The following SLC5A12 variants were observed in gnomAD, a reference collection of about 807,000 sequenced individuals.
SLC5A12 encodes the protein sodium-coupled monocarboxylate transporter 2.
SLC5A12 carries 46 observed loss-of-function variants against 72.7 expected under a neutral mutation model. The observed-to-expected ratio is 0.63, with a 90% CI of 0.50 to 0.81. The LOEUF is 0.81. SLC5A12 is among the 30% of genes least tolerant of loss of function. The probability of loss-of-function intolerance (pLI) is 0.00; values close to 1 mark genes in which losing one functional copy is unlikely to be tolerated. For missense variants in SLC5A12, 683 were observed against 740.7 expected, an observed-to-expected ratio of 0.92 and a Z score of 0.90; for synonymous variants, 275 against 264.4, an observed-to-expected ratio of 1.04 and a Z score of -0.39.
intron 1 of SLC5A12, among the ~76,000 whole-genome samples, chr11:26,713,234 C>T (rs892588631): frequency 6.6e-6 from 1 of 152,110 alleles, no homozygotes; most frequent in African/African-American, 2.4e-5. Context: ...AAACAAAGTG[C>T]AGATCCCAAG....
intron 1 of SLC5A12, among the ~76,000 whole-genome samples, chr11:26,720,352 A>AATAAATAAATAC (rs66687357): frequency 2.0e-5 from 3 of 151,630 alleles, no homozygotes; most frequent in Non-Finnish European, 2.9e-5. Flanking sequence ...TAAATAAATA[A>AATAAATAAATAC]GTAAATAAAT....
chr11:26,686,555 G>T lies in SLC5A12; in HGVS notation c.1154-11C>A. ...CGCCAAATAAGAGACCTGAAAGAAA[G>T]AAAAATTACAATCATAATTTCCTGA... On this transcript the variant is annotated splice_polypyrimidine_tract_variant and intron_variant, in intron 9 of 14. Transcript: ENST00000396005. 6.2e-7 allele frequency: 1 copy of T among 1,613,122 alleles called. No homozygotes were observed. The highest frequency in any genetic ancestry group is 1.3e-5 in the African/African-American group (1 of 75,010).
intron 10 of SLC5A12, 57 bp from the exon 11 acceptor site, chr11:26,683,900 T>C (rs1854466791): frequency 7.3e-7 from 1 of 1,374,458 alleles, no homozygotes; most frequent in African/African-American, 1.4e-5. Flanking sequence ...TGTGACTTCC[T>C]GGCATCATAC....
Position 26,717,663 on chromosome 11 carries a change from A to T in SLC5A12, c.339+3713T>A, listed in dbSNP as rs113275772. Among the ~76,000 whole-genome samples, 218 of 152,196 alleles carry T rather than the reference A, an allele frequency of 1.4e-3. 2 individuals are homozygous for T. The highest frequency in any genetic ancestry group is 4.9e-3 in the African/African-American group (205 of 41,518). On this transcript the variant is annotated intron_variant, in intron 1 of 14. Coordinates refer to ENST00000396005, the MANE Select transcript of SLC5A12 (RefSeq NM_178498.4). Reference sequence around the variant, plus strand: ...ATTGCTATATAACACTCGCCTCCAAACTCATTGGCTCAAAAACCAAAAATT... The same window carrying T: ...ATTGCTATATAACACTCGCCTCCAATCTCATTGGCTCAAAAACCAAAAATT...
At chr11:26,716,976 T>C (rs1855365218) in intron 1 of SLC5A12, among the ~76,000 whole-genome samples, 1 of 152,140 alleles carries the variant, frequency 6.6e-6, no homozygotes, top group Non-Finnish European at 1.5e-5. Flanking sequence ...CTAATCCCTA[T>C]GATGACCTAA....
At chr11:26,680,560 G>A (rs1320898414) in intron 12 of SLC5A12, among the ~76,000 whole-genome samples, 2 of 151,412 alleles carry the variant, frequency 1.3e-5, no homozygotes, top group African/African-American at 4.9e-5. Context: ...CTACACCATA[G>A]TATCTGATGT....
intron 1 of SLC5A12, among the ~76,000 whole-genome samples, chr11:26,719,108 G>A (rs905096712): frequency 7.9e-5 from 12 of 152,192 alleles, no homozygotes; most frequent in African/African-American, 2.9e-4. Context: ...ACCAGTTATG[G>A]CTAAGCATGT....
chr11:26,672,724 C>G (rs1854172026), intron 14 of SLC5A12, among the ~76,000 whole-genome samples: 1 of 152,116 alleles, frequency 6.6e-6, no homozygotes, highest in African/African-American at 2.4e-5. Context: ...TTCTGGTGGT[C>G]TTTGGCTGAT....
At chr11:26,714,621 C>A (rs1269462558) in intron 1 of SLC5A12, among the ~76,000 whole-genome samples, 1 of 152,092 alleles carries the variant, frequency 6.6e-6, no homozygotes, top group Non-Finnish European at 1.5e-5. Context: ...GATTAAATTT[C>A]TTGCTAGTAG....
intron 9 of SLC5A12, among the ~76,000 whole-genome samples, chr11:26,688,356 G>T (rs532028239): frequency 3.9e-5 from 6 of 152,276 alleles, no homozygotes; most frequent in African/African-American, 1.4e-4. Context: ...GAGTATCCAT[G>T]AATATCTGCC....
At chr11:26,692,253 G>T in intron 9 of SLC5A12, 1 of 417,202 alleles carries the variant, frequency 2.4e-6, no homozygotes, top group Non-Finnish European at 4.4e-6. Flanking sequence ...CTAGAGTGTA[G>T]GGTAAGTATA....
intron 8 of SLC5A12, among the ~76,000 whole-genome samples, chr11:26,694,810 C>T (rs1014498638): frequency 4.6e-5 from 7 of 152,202 alleles, no homozygotes; most frequent in Admixed American, 1.3e-4. Flanking sequence ...AGCATAAATA[C>T]ATGCATTTTA....
rs555546171 is a variant in SLC5A12, at chr11:26,704,873, A to C, written c.526-926T>G. ...TATTTTGGGAAACTGAGATGGTAGA[A>C]TATCAAACAAAGAACTAGGAAGGAA... On this transcript the variant is annotated intron_variant, in intron 4 of 14. Transcript: ENST00000396005. Among the ~76,000 whole-genome samples, 13 of 152,126 alleles carry C rather than the reference A, an allele frequency of 8.5e-5. No homozygotes were observed. In the South Asian group the frequency reaches 2.5e-3, roughly 29 times the overall value.
At chr11:26,679,064 C>T (rs542429583) in intron 12 of SLC5A12, among the ~76,000 whole-genome samples, 1 of 152,162 alleles carries the variant, frequency 6.6e-6, no homozygotes, top group Admixed American at 6.6e-5. Context: ...TGTCTTAATA[C>T]AAATAATACA....
At chr11:26,686,456 G>T (rs766013086) in intron 10 of SLC5A12, 21 bp downstream of exon 10, 1 of 1,612,468 alleles carries the variant, frequency 6.2e-7, no homozygotes, top group South Asian at 1.1e-5. Context: ...AACCAAATGT[G>T]TCTTTTCCTT....
chr11:26,714,179 G>A (rs773371146), intron 1 of SLC5A12, among the ~76,000 whole-genome samples: 1 of 151,468 alleles, frequency 6.6e-6, no homozygotes, highest in Non-Finnish European at 1.5e-5. Context: ...GGGAAGGTAT[G>A]CTGTTTTCAG....
intron 1 of SLC5A12, among the ~76,000 whole-genome samples, chr11:26,715,048 C>T (rs1045425913): frequency 1.3e-5 from 2 of 152,084 alleles, no homozygotes; most frequent in African/African-American, 4.8e-5. Flanking sequence ...GTGGTGAAGA[C>T]ACCTTGGGTT....
intron 13 of SLC5A12, among the ~76,000 whole-genome samples, chr11:26,675,297 G>C (rs2133133077): frequency 6.6e-6 from 1 of 152,292 alleles, no homozygotes; most frequent in South Asian, 2.1e-4. Context: ...GAAAAAGACA[G>C]TATTCCCTTT....
rs1166771080 is a variant in SLC5A12, at chr11:26,692,673, A to G, written c.1041-72T>C. 7 of 1,005,886 alleles carry G rather than the reference A, an allele frequency of 7.0e-6. No individual in the cohort carries two copies. In the African/African-American group the frequency reaches 8.0e-5, roughly 11 times the overall value. 62.3% of individuals were successfully genotyped at this position (1,005,886 alleles called of 1,614,324 possible). A position where few individuals can be genotyped will look rare whatever the true frequency, so the allele number is the denominator to read the frequency against. The stretch of plus-strand genomic sequence containing the variant: ...GAGCTACCAGCCTGCCCTCTTGTCC[A>G]GGGCAGATAGATAAGGCAGGCCTCT... On this transcript the variant is annotated intron_variant, in intron 8 of 14. Coordinates refer to ENST00000396005, the MANE Select transcript of SLC5A12 (RefSeq NM_178498.4).
Sources: allele counts gnomAD v4.1 joint callset (sites outside exome capture counted in the v4.1 genomes callset), GRCh38; gene constraint gnomAD v4.1.1; transcripts MANE v1.5; gene names NCBI Gene and HGNC (gene_info 2026-07-23, HGNC 2026-07-21).